The following ANKRD11 variants were observed in gnomAD, a reference collection of about 807,000 sequenced individuals.
ANKRD11 encodes the protein ankyrin repeat domain 11.
A neutral mutation model predicts 195.7 loss-of-function variants in ANKRD11; 17 were observed. The observed-to-expected ratio is 0.09, with a 90% CI of 0.06 to 0.13. ANKRD11 has a LOEUF of 0.13. ANKRD11 is among the 10% of genes least tolerant of loss of function. The pLI, the probability that ANKRD11 is intolerant of heterozygous loss-of-function variation, is 1.00. For synonymous variants in ANKRD11, 1,953 were observed against 1,528.1 expected, an observed-to-expected ratio of 1.28 and a Z score of -6.49; for missense variants, 3,735 against 3,566.1, an observed-to-expected ratio of 1.05 and a Z score of -1.21.
intron 2 of ANKRD11, among the ~76,000 whole-genome samples, chr16:89,327,952 T>A (rs2037822414): frequency 6.6e-6 from 1 of 152,210 alleles, no homozygotes; most frequent in Non-Finnish European, 1.5e-5. Flanking sequence ...AAAGACAAAC[T>A]GCAGACAGGG....
chr16:89,387,229 TA>T lies in ANKRD11; in HGVS notation c.-60+31054del, dbSNP rs74265463. On this transcript the variant is annotated intron_variant, in intron 2 of 12. Coordinates refer to ENST00000301030, the MANE Select transcript of ANKRD11 (RefSeq NM_013275.6). ...CACAGGAAGATCTGGAGTGCCAAGT[TA>T]AAAAAAAAAAAAGCATCTCTCAAGG... Among the ~76,000 whole-genome samples, 1,229 of 138,850 alleles carry T rather than the reference TA, an allele frequency of 8.9e-3. 5 individuals carry two copies. Among genetic ancestry groups the T allele is most frequent in the African/African-American group, 0.021 (788 of 37,738 alleles). 91.1% of individuals were successfully genotyped at this position (138,850 alleles called of 152,430 possible).
chr16:89,408,677 A>G (rs1009863012), intron 2 of ANKRD11, among the ~76,000 whole-genome samples: 1 of 152,006 alleles, frequency 6.6e-6, no homozygotes, highest in Non-Finnish European at 1.5e-5. Flanking sequence ...CACCCTCCCT[A>G]GAGTCCAGCG....
intron 2 of ANKRD11, among the ~76,000 whole-genome samples, chr16:89,404,364 G>A (rs1202409274): frequency 6.6e-6 from 1 of 152,092 alleles, no homozygotes; most frequent in Non-Finnish European, 1.5e-5. Context: ...TGTAATCAAA[G>A]GGCATGAAAA....
rs1320751516 is a variant in ANKRD11, at chr16:89,280,642, G to C, written c.5900C>G (p.Ser1967Cys). The change falls in exon 9 of 13, where the codon TCT becomes TGT. Residue 1967 changes from serine (S) to cysteine (C), a missense_variant. By Grantham distance (112) the Ser-to-Cys change is moderately radical. Coordinates refer to ENST00000301030, the MANE Select transcript of ANKRD11 (RefSeq NM_013275.6). ...ALASSLIGGT[S>C]ENPVSWPVGS... ...CACAGGCCAGCTCACAGGGTTTTCA[G>C]AGGTGCCCCCGATCAGGCTAGAGGC... 1.9e-6 allele frequency: 3 copies of C among 1,613,418 alleles called. No individual in the cohort carries two copies. The highest frequency in any genetic ancestry group is 2.2e-5 in the East Asian group (1 of 44,886).
chr16:89,350,687 G>A (rs547357430), intron 2 of ANKRD11, among the ~76,000 whole-genome samples: 7 of 152,328 alleles, frequency 4.6e-5, no homozygotes, highest in African/African-American at 1.7e-4. Flanking sequence ...TTCTTGGGGT[G>A]ATGGAAATAC....
chr16:89,471,878 G>T (rs1183463132), intron 1 of ANKRD11, among the ~76,000 whole-genome samples: 2 of 149,446 alleles, frequency 1.3e-5, no homozygotes, highest in Non-Finnish European at 3.0e-5. Context: ...AGGAAAACAT[G>T]TACCTTAAGT....
intron 2 of ANKRD11, among the ~76,000 whole-genome samples, chr16:89,329,919 G>C (rs530180261): frequency 2.0e-3 from 297 of 152,042 alleles, no homozygotes; most frequent in Middle Eastern, 0.01. Flanking sequence ...GGCACTGGGA[G>C]GCAGAGGCTG....
chr16:89,280,739 C>T lies in ANKRD11; in HGVS notation c.5803G>A (p.Asp1935Asn). 6.2e-7 allele frequency: 1 copy of T among 1,613,442 alleles called. No individual in the cohort carries two copies. Among genetic ancestry groups the T allele is most frequent in the Non-Finnish European group, 8.5e-7 (1 of 1,179,896 alleles). ...ATGACGGCGCTGAAGGGACCCTCGTCCAGCGGCTCCAGGTAGCTGGGCTCC... is the reference window on the plus strand; with the variant it reads ...ATGACGGCGCTGAAGGGACCCTCGTTCAGCGGCTCCAGGTAGCTGGGCTCC... ...PPEPSYLEPL[D>N]EGPFSAVITE... Residue 1935 changes from aspartate (D) to asparagine (N), a missense_variant, in exon 9 of 13, where the codon GAC (aspartate) becomes AAC (asparagine). Coordinates refer to ENST00000301030, the MANE Select transcript of ANKRD11 (RefSeq NM_013275.6).
At chr16:89,333,221 C>T (rs1192539609) in intron 2 of ANKRD11, among the ~76,000 whole-genome samples, 3 of 152,234 alleles carry the variant, frequency 2.0e-5, no homozygotes, top group Admixed American at 2.0e-4. Context: ...TAAACAGACA[C>T]TGAAAATAAA....
chr16:89,471,053 A>G (rs964557736), intron 1 of ANKRD11, among the ~76,000 whole-genome samples: 3 of 151,646 alleles, frequency 2.0e-5, no homozygotes, highest in Admixed American at 6.6e-5. Context: ...TACATCCTCA[A>G]TTTAAAAGCA....
At chr16:89,334,758 C>T (rs1436227829) in intron 2 of ANKRD11, among the ~76,000 whole-genome samples, 1 of 152,110 alleles carries the variant, frequency 6.6e-6, no homozygotes, top group African/African-American at 2.4e-5. Flanking sequence ...GTGCAAAACA[C>T]CCTCAAACTG....
chr16:89,293,692 G>A (rs1413351415), intron 4 of ANKRD11, among the ~76,000 whole-genome samples: 1 of 140,816 alleles, frequency 7.1e-6, no homozygotes, highest in Non-Finnish European at 1.5e-5. Flanking sequence ...CTGGGGCAGA[G>A]TTGGGGCTGC....
chr16:89,407,481 C>G (rs969109018), intron 2 of ANKRD11, among the ~76,000 whole-genome samples: 1 of 152,144 alleles, frequency 6.6e-6, no homozygotes, highest in Non-Finnish European at 1.5e-5. Context: ...GAACCACGTT[C>G]GCCTCGTCAG....
chr16:89,404,321 A>C lies in ANKRD11; in HGVS notation c.-60+13963T>G, dbSNP rs115089318. On this transcript the variant is annotated intron_variant, in intron 2 of 12. Transcript: ENST00000301030. The stretch of plus-strand genomic sequence containing the variant: ...GAGAACATCAACATCTGTGTAACTA[A>C]GGAAAATGGAAGTGCAGGAAGGAAT... Among the ~76,000 whole-genome samples, 322 of 152,354 alleles carry C rather than the reference A, an allele frequency of 2.1e-3. 1 individual carries two copies. Among genetic ancestry groups the C allele is most frequent in the African/African-American group, 7.6e-3 (316 of 41,578 alleles).
intron 3 of ANKRD11, among the ~76,000 whole-genome samples, chr16:89,306,082 C>T (rs1454164200): frequency 9.8e-6 from 1 of 102,040 alleles, no homozygotes; most frequent in African/African-American, 4.2e-5. Flanking sequence ...GCGCCATCTA[C>T]CTCCCACTCC....
At chr16:89,305,847 C>A (rs1382102686) in intron 3 of ANKRD11, among the ~76,000 whole-genome samples, 2 of 115,210 alleles carry the variant, frequency 1.7e-5, no homozygotes, top group Non-Finnish European at 3.6e-5. Context: ...CAGACACGCA[C>A]CACCTCCCAC....
At chr16:89,268,753 C>T (rs2032857181) in intron 12 of ANKRD11, 90 bp from the exon 13 acceptor site, 24 of 1,460,546 alleles carry the variant, frequency 1.6e-5, no homozygotes, top group South Asian at 1.0e-4. Flanking sequence ...GGGCCAAGGG[C>T]GTGATACGGC....
rs768500822 is a variant in ANKRD11, at chr16:89,281,049, G to GTCT, written c.5490_5492dup (p.Glu1830dup). 4.9e-5 allele frequency: 79 copies of GTCT among 1,604,392 alleles called. No homozygotes were observed. In the African/African-American group the frequency reaches 6.0e-4, roughly 12 times the overall value. On this transcript the variant is annotated inframe_insertion, in exon 9 of 13. Coordinates refer to ENST00000301030, the MANE Select transcript of ANKRD11 (RefSeq NM_013275.6). This position sits in a 1 kb window ranked among gnomAD's most constrained non-coding sequence, Gnocchi z 5.5. Reference sequence around the variant, plus strand: ...CGGGAACCGGGGGCAGGGGCGCCCTGTCTTCCATCGAGGGTGGCATGGGAG... The same window carrying GTCT: ...CGGGAACCGGGGGCAGGGGCGCCCTGTCTTCTTCCATCGAGGGTGGCATGGGAG...
At chr16:89,380,182 G>A (rs957959295) in intron 2 of ANKRD11, among the ~76,000 whole-genome samples, 5 of 152,014 alleles carry the variant, frequency 3.3e-5, no homozygotes, top group African/African-American at 9.7e-5. Flanking sequence ...GCGTGATCTC[G>A]GCTCACTTCA....
Sources: gnomAD v4.1 joint callset for allele counts (sites outside exome capture counted in the v4.1 genomes callset) on GRCh38, gnomAD v4.1.1 for gene constraint, Gnocchi (gnomAD v3.1) non-coding constraint, MANE v1.5 for transcripts, NCBI Gene and HGNC (gene_info 2026-07-23, HGNC 2026-07-21) for gene names.